Variants in MBTPS1 observed in about 807,000 individuals in gnomAD.
MBTPS1 encodes membrane bound transcription factor peptidase, site 1, also known as membrane-bound transcription factor site-1 protease.
A neutral mutation model predicts 127.8 loss-of-function variants in MBTPS1; 94 were observed. The ratio of observed to expected loss-of-function variants is 0.74; its 90% CI spans 0.62 to 0.87. The LOEUF is 0.87. MBTPS1 is among the 40% of genes least tolerant of loss of function. The pLI is 0.00. For synonymous variants in MBTPS1, 632 were observed against 509.4 expected, an observed-to-expected ratio of 1.24 and a Z score of -3.24; for missense variants, 1,636 against 1,353.2, an observed-to-expected ratio of 1.21 and a Z score of -3.28.
chr16:84,098,144 G>C (rs1378876654), intron 3 of MBTPS1, among the ~76,000 whole-genome samples: 6 of 152,164 alleles, frequency 3.9e-5, no homozygotes, highest in African/African-American at 1.4e-4. Context: ...CAATTGTAAT[G>C]AAGTAGGAAA....
rs1319252344 is a variant in MBTPS1, at chr16:84,067,892, A to G, written c.2072-69T>C. The G allele has an allele frequency of 5.5e-6, 8 of 1,461,850 alleles. No individual in the cohort carries two copies. The Admixed American group carries it at 5.6e-5, about 10-fold the overall frequency. 90.6% of individuals were successfully genotyped at this position (1,461,850 alleles called of 1,614,324 possible). A position where few individuals can be genotyped will look rare whatever the true frequency, so the allele number is the denominator to read the frequency against. ...GACAGGACACCACCACGGCAGAAACAGTGTCACCAGGTACATGTCTCAGGT... is the reference window on the plus strand; with the variant it reads ...GACAGGACACCACCACGGCAGAAACGGTGTCACCAGGTACATGTCTCAGGT... On this transcript the variant is annotated intron_variant, in intron 15 of 22. Coordinates refer to ENST00000343411, the MANE Select transcript of MBTPS1 (RefSeq NM_003791.4).
intron 20 of MBTPS1, chr16:84,060,405 C>A (rs1043355051): frequency 2.8e-5 from 10 of 351,916 alleles, no homozygotes; most frequent in African/African-American, 1.2e-4. Flanking sequence ...CCTGTGAGAG[C>A]GGGACGGTAA....
At chr16:84,064,503 C>T (rs2085654099) in intron 18 of MBTPS1, among the ~76,000 whole-genome samples, 2 of 152,024 alleles carry the variant, frequency 1.3e-5, no homozygotes. Context: ...ATAAAATGCC[C>T]CTTTAAAAAA....
intron 6 of MBTPS1, among the ~76,000 whole-genome samples, chr16:84,092,546 G>A (rs181608000): frequency 6.6e-5 from 10 of 152,258 alleles, no homozygotes; most frequent in African/African-American, 2.4e-4. Context: ...CAGGACACAC[G>A]GGCCAGTGAG....
At chr16:84,114,051 G>A (rs1011741972) in intron 1 of MBTPS1, among the ~76,000 whole-genome samples, 1 of 148,796 alleles carries the variant, frequency 6.7e-6, no homozygotes, top group African/African-American at 2.5e-5. Flanking sequence ...TGCAACCTCT[G>A]CCTCCGGGGT....
intron 15 of MBTPS1, 38 bp downstream of exon 15, chr16:84,068,301 C>T (rs375824076): frequency 1.5e-5 from 20 of 1,333,214 alleles, no homozygotes; most frequent in East Asian, 2.3e-5. Context: ...CCAAAGTGGG[C>T]GGAAAGACCA....
chr16:84,072,775 G>A (rs1299667163), intron 12 of MBTPS1, among the ~76,000 whole-genome samples: 1 of 152,088 alleles, frequency 6.6e-6, no homozygotes, highest in Non-Finnish European at 1.5e-5. Flanking sequence ...GGGAGAGAGC[G>A]AGACTCCGTC....
At chr16:84,060,469 C>T (rs984949650) in intron 20 of MBTPS1, 5 of 522,054 alleles carry the variant, frequency 9.6e-6, no homozygotes, top group Admixed American at 3.2e-5. Flanking sequence ...CAGCTGCACA[C>T]TGGGTCCTCG....
chr16:84,093,813 C>A lies in MBTPS1; in HGVS notation c.634G>T (p.Val212Leu), dbSNP rs192912251. 3.1e-6 allele frequency: 5 copies of A among 1,602,474 alleles called. No homozygotes were observed. The highest frequency in any genetic ancestry group is 1.3e-5 in the African/African-American group (1 of 74,680). Residue 212 changes from valine to leucine, a missense_variant, in exon 5 of 23, where the codon GTA becomes TTA. By Grantham distance (32) the Val-to-Leu change is conservative. Coordinates refer to ENST00000343411, the MANE Select transcript of MBTPS1 (RefSeq NM_003791.4). Reference sequence around the variant, plus strand: ...CCAGTGTCAAAAACAGCAACTCTTACATTAGCACCTTATTCGGAAAAGAAA... The same window carrying A: ...CCAGTGTCAAAAACAGCAACTCTTAAATTAGCACCTTATTCGGAAAAGAAA... ...LWQMGYTGAN[V>L]RVAVFDTGLS...
intron 6 of MBTPS1, 63 bp downstream of exon 6, chr16:84,093,125 T>C: frequency 9.2e-7 from 1 of 1,085,068 alleles, no homozygotes. Flanking sequence ...TACAGTCCAG[T>C]GATTCTGCTT....
intron 11 of MBTPS1, among the ~76,000 whole-genome samples, chr16:84,078,774 G>A (rs910791143): frequency 2.6e-5 from 4 of 152,230 alleles, no homozygotes; most frequent in Admixed American, 6.5e-5. Context: ...GAAAAAAGCA[G>A]AATCCAAAAC....
At chr16:84,082,539 T>C (rs1002245037) in intron 10 of MBTPS1, among the ~76,000 whole-genome samples, 1 of 152,224 alleles carries the variant, frequency 6.6e-6, no homozygotes, top group Non-Finnish European at 1.5e-5. Context: ...GGCTAGGAAC[T>C]TAGCCTGGTG....
chr16:84,094,958 A>G (rs1356179553), intron 4 of MBTPS1, among the ~76,000 whole-genome samples: 1 of 152,246 alleles, frequency 6.6e-6, no homozygotes, highest in African/African-American at 2.4e-5. Flanking sequence ...AAACTGGCTT[A>G]CATTTAGAAG....
chr16:84,099,001 G>T, intron 3 of MBTPS1, 52 bp downstream of exon 3: 4 of 1,517,040 alleles, frequency 2.6e-6, no homozygotes, highest in Non-Finnish European at 3.6e-6. Context: ...TGCAGTTTGA[G>T]ATTTTCAAAG....
At chr16:84,103,129 T>A (rs1356363440) in intron 1 of MBTPS1, among the ~76,000 whole-genome samples, 1 of 152,184 alleles carries the variant, frequency 6.6e-6, no homozygotes, top group Non-Finnish European at 1.5e-5. Context: ...CAATGCTGGC[T>A]GTAGCATAAC....
intron 20 of MBTPS1, chr16:84,060,166 G>A (rs999343833): frequency 1.3e-5 from 2 of 153,646 alleles, no homozygotes; most frequent in Non-Finnish European, 2.9e-5. Context: ...GGCGGGTTGA[G>A]GCTCCACCAC....
chr16:84,061,096 G>A (rs775744177), intron 19 of MBTPS1: 3 of 211,776 alleles, frequency 1.4e-5, no homozygotes, highest in African/African-American at 4.6e-5. Flanking sequence ...GGGATTATAG[G>A]TGTGAGCCAC....
intron 12 of MBTPS1, among the ~76,000 whole-genome samples, chr16:84,073,549 A>T (rs1202108115): frequency 6.6e-6 from 1 of 152,204 alleles, no homozygotes; most frequent in Non-Finnish European, 1.5e-5. Flanking sequence ...GGAAAAGAAT[A>T]TTTAAAAAAC....
intron 11 of MBTPS1, 64 bp from the exon 12 acceptor site, chr16:84,074,805 T>C (rs1446442368): frequency 5.5e-6 from 8 of 1,444,564 alleles, no homozygotes; most frequent in Non-Finnish European, 7.6e-6. Flanking sequence ...GCAACACAAC[T>C]GTACAAGACA....
Sources: gnomAD v4.1 joint callset for allele counts (sites outside exome capture counted in the v4.1 genomes callset) on GRCh38, gnomAD v4.1.1 for gene constraint, MANE v1.5 for transcripts, NCBI Gene and HGNC (gene_info 2026-07-23, HGNC 2026-07-21) for gene names.